Variants in GPC6 observed in about 807,000 individuals in gnomAD.
GPC6 encodes the protein glypican 6.
Under a neutral mutation model 55.2 loss-of-function variants are expected in GPC6, and 14 were observed. The ratio of observed to expected loss-of-function variants is 0.25; its 90% confidence interval spans 0.17 to 0.40. The LOEUF is 0.40. Among genes scored for constraint, GPC6 ranks in the 10% least tolerant of loss-of-function variants. The pLI, the probability that GPC6 is intolerant of heterozygous loss-of-function variation, is 1.00. For missense variants in GPC6, 641 were observed against 708.5 expected (o/e 0.90, Z 1.08); for synonymous variants, 278 against 259.6 (o/e 1.07, Z -0.68).
At chr13:94,226,491 T>G (rs922489131) in intron 4 of GPC6, among the ~76,000 whole-genome samples, 2 of 152,150 alleles carry the variant, frequency 1.3e-5, no homozygotes, top group African/African-American at 4.8e-5. Flanking sequence ...TTACCCTGAT[T>G]TTATCAATAC....
rs34883180 is a variant in GPC6 at position 94,236,886 on chromosome 13, C to CTT, written c.878-49450_878-49449dup. Among the ~76,000 whole-genome samples, 1,372 of 144,892 alleles carry CTT rather than the reference C, an allele frequency of 9.5e-3. 21 individuals are homozygous for CTT. Among genetic ancestry groups the CTT allele is most frequent in the African/African-American group, 0.023 (926 of 39,614 alleles). On this transcript the variant is annotated intron_variant, in intron 4 of 8. Transcript: ENST00000377047. Reference sequence around the variant, plus strand: ...GGGATATGCAAAGAAAAGCAGAAAGCTTTTTTTTTTTTTTCTCCTGAAAAT... The same window carrying CTT: ...GGGATATGCAAAGAAAAGCAGAAAGCTTTTTTTTTTTTTTTTCTCCTGAAAAT...
chr13:93,967,678 T>A (rs1219608364), intron 3 of GPC6, among the ~76,000 whole-genome samples: 1 of 152,194 alleles, frequency 6.6e-6, no homozygotes, highest in African/African-American at 2.4e-5. Flanking sequence ...GACTTCTACC[T>A]GATTATAACC....
chr13:93,815,320 G>A (rs1364472273), intron 2 of GPC6, among the ~76,000 whole-genome samples: 1 of 151,980 alleles, frequency 6.6e-6, no homozygotes, highest in Non-Finnish European at 1.5e-5. Flanking sequence ...GTCCTTTTGG[G>A]GAGACTTTTG....
At chr13:94,234,569 A>T (rs927109282) in intron 4 of GPC6, among the ~76,000 whole-genome samples, 1 of 149,794 alleles carries the variant, frequency 6.7e-6, no homozygotes, top group Middle Eastern at 3.4e-3. Flanking sequence ...AAACAAGTTA[A>T]TATTATCTTG....
chr13:93,738,229 TA>T (rs766943345), intron 2 of GPC6, among the ~76,000 whole-genome samples: 3,013 of 152,282 alleles, frequency 0.02, 50 homozygotes, highest in South Asian at 0.033. Context: ...TATACCTTAT[TA>T]TTATCATTAT....
intron 2 of GPC6, among the ~76,000 whole-genome samples, chr13:93,690,135 A>G (rs931270791): frequency 6.6e-6 from 1 of 152,158 alleles, no homozygotes; most frequent in Non-Finnish European, 1.5e-5. Context: ...CAATTTAGAC[A>G]ATATTCACTA....
intron 2 of GPC6, among the ~76,000 whole-genome samples, chr13:93,616,586 A>G (rs1317304169): frequency 6.6e-6 from 1 of 152,112 alleles, no homozygotes; most frequent in Non-Finnish European, 1.5e-5. Flanking sequence ...AGGGTAAGAA[A>G]AACTCCTTCC....
At chr13:94,207,801 CTGT>C (rs965532595) in intron 4 of GPC6, among the ~76,000 whole-genome samples, 2 of 152,146 alleles carry the variant, frequency 1.3e-5, no homozygotes, top group African/African-American at 4.8e-5. Context: ...CCTGGGCAAA[CTGT>C]TGTTCTCTTA....
At chr13:93,709,256 A>C (rs1882963268) in intron 2 of GPC6, among the ~76,000 whole-genome samples, 1 of 151,794 alleles carries the variant, frequency 6.6e-6, no homozygotes, top group South Asian at 2.1e-4. Context: ...TTAATCTTTA[A>C]AATACTGTTC....
chr13:93,992,111 T>C (rs111671086), intron 3 of GPC6, among the ~76,000 whole-genome samples: 1,804 of 151,652 alleles, frequency 0.012, 30 homozygotes, highest in African/African-American at 0.035. Context: ...AGTTTATATG[T>C]GTGTATATAT....
chr13:94,103,421 C>G (rs182786915), intron 4 of GPC6, among the ~76,000 whole-genome samples: 3 of 152,136 alleles, frequency 2.0e-5, no homozygotes, highest in Non-Finnish European at 4.4e-5. Flanking sequence ...ATCACTGGGT[C>G]AAATGGTATT....
At chr13:93,475,933 A>C (rs1879287303) in intron 1 of GPC6, among the ~76,000 whole-genome samples, 1 of 151,966 alleles carries the variant, frequency 6.6e-6, no homozygotes, top group African/African-American at 2.4e-5. Context: ...TAGGAGAATT[A>C]TTTGTTACGC....
intron 1 of GPC6, among the ~76,000 whole-genome samples, chr13:93,457,517 C>G (rs767479848): frequency 6.6e-6 from 1 of 152,144 alleles, no homozygotes; most frequent in Non-Finnish European, 1.5e-5. Context: ...TCTTAAATTT[C>G]AGTGGGGTTC....
At chr13:93,604,810 C>T (rs1317421277) in intron 2 of GPC6, among the ~76,000 whole-genome samples, 1 of 150,686 alleles carries the variant, frequency 6.6e-6, no homozygotes, top group African/African-American at 2.5e-5. Context: ...GCACAGTATC[C>T]ACCTCGTAAC....
At chr13:94,099,863 G>A (rs1023114790) in intron 4 of GPC6, among the ~76,000 whole-genome samples, 1 of 152,086 alleles carries the variant, frequency 6.6e-6, no homozygotes, top group African/African-American at 2.4e-5. Context: ...ATTTTAAATG[G>A]CATGAGTTAG....
chr13:93,868,017 C>T (rs1889020435), intron 3 of GPC6, among the ~76,000 whole-genome samples: 1 of 151,732 alleles, frequency 6.6e-6, no homozygotes, highest in African/African-American at 2.4e-5. Flanking sequence ...AGTGAAGTCC[C>T]TGAGGTTACT....
intron 2 of GPC6, among the ~76,000 whole-genome samples, chr13:93,679,300 A>G (rs2138762950): frequency 6.6e-6 from 1 of 152,266 alleles, no homozygotes; most frequent in Admixed American, 6.5e-5. Flanking sequence ...GAAATTCAGA[A>G]GTTTAAATCC....
At chr13:94,096,358 T>A (rs1341843891) in intron 4 of GPC6, among the ~76,000 whole-genome samples, 1 of 152,036 alleles carries the variant, frequency 6.6e-6, no homozygotes, top group East Asian at 1.9e-4. Context: ...CCATGCGAGT[T>A]GTTGGGAAAA....
At chr13:93,317,104 T>C (rs541383933) in intron 1 of GPC6, among the ~76,000 whole-genome samples, 44 of 152,200 alleles carry the variant, frequency 2.9e-4, no homozygotes, top group African/African-American at 9.9e-4. Context: ...TTATCCTTTG[T>C]GTTACTTACA....
Sources: gnomAD v4.1 joint callset for allele counts (sites outside exome capture counted in the v4.1 genomes callset) on GRCh38, gnomAD v4.1.1 for gene constraint, MANE v1.5 for transcripts, NCBI Gene and HGNC (gene_info 2026-07-23, HGNC 2026-07-21) for gene names.